Variants in TUSC3 observed in about 807,000 individuals in gnomAD.
TUSC3 encodes the protein tumor suppressor candidate 3, also known as dolichyl-diphosphooligosaccharide--protein glycosyltransferase subunit TUSC3.
TUSC3 carries 45 observed loss-of-function variants against 44.8 expected under a neutral mutation model. The observed-to-expected ratio is 1.00, with a 90% CI of 0.79 to 1.29. The LOEUF (loss-of-function observed/expected upper bound fraction) is 1.29, where lower values mean the gene tolerates loss of function less well. Ranked by LOEUF, TUSC3 falls within the 50% of genes most tolerant of loss-of-function variation. TUSC3 has a pLI of 0.00. For missense variants in TUSC3, 519 were observed against 437.9 expected (o/e 1.19, Z -1.65); for synonymous variants, 212 against 152.9 (o/e 1.39, Z -2.85).
the TUSC3 span, among the ~76,000 whole-genome samples, chr8:15,841,166 T>C: frequency 1.3e-5 from 2 of 151,690 alleles, no homozygotes; most frequent in Admixed American, 1.3e-4. Flanking sequence ...AGCTATATGT[T>C]TTATATATAT....
the TUSC3 span, among the ~76,000 whole-genome samples, chr8:15,795,144 C>A: frequency 6.6e-6 from 1 of 152,182 alleles, no homozygotes; most frequent in Non-Finnish European, 1.5e-5. Context: ...TCAATCATGG[C>A]TCCTGGGATC....
At chr8:15,577,704 T>C (rs2129145418) in intron 1 of TUSC3, among the ~76,000 whole-genome samples, 1 of 144,584 alleles carries the variant, frequency 6.9e-6, no homozygotes, top group Admixed American at 7.0e-5. Flanking sequence ...CCATGCTGTT[T>C]TGGTTACTGT....
intron 6 of TUSC3, among the ~76,000 whole-genome samples, chr8:15,710,424 G>C (rs946788493): frequency 1.2e-4 from 18 of 151,944 alleles, no homozygotes; most frequent in Admixed American, 9.2e-4. Flanking sequence ...AAGAGTGAGA[G>C]TGGAAATGAG....
At chr8:15,736,814 G>A (rs1013019391) in intron 7 of TUSC3, among the ~76,000 whole-genome samples, 6 of 151,986 alleles carry the variant, frequency 3.9e-5, no homozygotes, top group South Asian at 2.1e-4. Context: ...ATTAGTTTCC[G>A]TAGACAGTAA....
chr8:15,599,176 A>T (rs543274685), intron 1 of TUSC3, among the ~76,000 whole-genome samples: 1 of 151,892 alleles, frequency 6.6e-6, no homozygotes, highest in African/African-American at 2.4e-5. Context: ...TTTCCCGATG[A>T]CATGTAATGT....
chr8:15,430,173 A>G (rs370709165), intron 1 of TUSC3, among the ~76,000 whole-genome samples: 2 of 138,548 alleles, frequency 1.4e-5, no homozygotes, highest in African/African-American at 5.5e-5. Context: ...AGACACAACA[A>G]AAAAAAGAGA....
the TUSC3 span, among the ~76,000 whole-genome samples, chr8:15,837,452 A>G: frequency 6.6e-6 from 1 of 152,046 alleles, no homozygotes; most frequent in Non-Finnish European, 1.5e-5. Flanking sequence ...TTCTGTATCT[A>G]TCATTTTCTT....
rs551182183 is a variant in TUSC3, at chr8:15,437,851, A to C, written n.91+20546A>C. Among the ~76,000 whole-genome samples the C allele has an allele frequency of 1.0e-3, 158 of 152,246 alleles. 1 individual carries two copies. The highest frequency in any genetic ancestry group is 3.7e-3 in the African/African-American group (155 of 41,548). On this transcript the variant is annotated intron_variant and non_coding_transcript_variant, in intron 1 of 5. Coordinates refer to the TUSC3 transcript ENST00000503191. ...CCTGCACTGAGATACTCATCTATTA[A>C]ATTCACCTCTGCTCGTGTATAAAAT...
intron 1 of TUSC3, among the ~76,000 whole-genome samples, chr8:15,595,363 T>A (rs1036004164): frequency 6.6e-6 from 1 of 152,158 alleles, no homozygotes; most frequent in African/African-American, 2.4e-5. Context: ...GTGCCTTGGT[T>A]ACCTGGACTT....
At chr8:15,564,294 C>G (rs926251502) in intron 1 of TUSC3, among the ~76,000 whole-genome samples, 22 of 152,064 alleles carry the variant, frequency 1.4e-4, no homozygotes, top group East Asian at 1.4e-3. Flanking sequence ...TAACATTTCT[C>G]TAACAGCTAA....
intron 6 of TUSC3, among the ~76,000 whole-genome samples, chr8:15,701,821 G>A (rs1809418605): frequency 6.6e-6 from 1 of 152,264 alleles, no homozygotes; most frequent in Non-Finnish European, 1.5e-5. Flanking sequence ...GAGTCTTAAA[G>A]TAAGCTGTTT....
At chr8:15,446,012 GGCCGGCT>G (rs1414668257) in intron 1 of TUSC3, among the ~76,000 whole-genome samples, 35 of 151,794 alleles carry the variant, frequency 2.3e-4, no homozygotes, top group Non-Finnish European at 3.1e-4. Context: ...TTCCCAGACG[GGCCGGCT>G]GCCGGGCGGA....
intron 9 of TUSC3, among the ~76,000 whole-genome samples, chr8:15,757,122 C>G (rs955356335): frequency 2.0e-5 from 3 of 152,110 alleles, no homozygotes; most frequent in African/African-American, 7.2e-5. Flanking sequence ...GTGCCACAGA[C>G]TGAGAATCTG....
intron 2 of TUSC3, among the ~76,000 whole-genome samples, chr8:15,533,716 C>G (rs981319353): frequency 1.3e-5 from 2 of 152,186 alleles, no homozygotes; most frequent in South Asian, 2.1e-4. Context: ...GGAGCACTGT[C>G]TCTTACAGGC....
chr8:15,597,417 A>G (rs534665183), intron 1 of TUSC3, among the ~76,000 whole-genome samples: 10 of 152,180 alleles, frequency 6.6e-5, no homozygotes, highest in African/African-American at 2.4e-4. Context: ...TAGTATATGT[A>G]TGTCTTTCGG....
chr8:15,772,088 CAAAAA>C, the TUSC3 span, among the ~76,000 whole-genome samples: 1 of 149,934 alleles, frequency 6.7e-6, no homozygotes, highest in Non-Finnish European at 1.5e-5. Flanking sequence ...GACTCCGTCT[CAAAAA>C]GAAAAAAAAG....
chr8:15,782,142 G>C, the TUSC3 span, among the ~76,000 whole-genome samples: 1 of 152,044 alleles, frequency 6.6e-6, no homozygotes, highest in South Asian at 2.1e-4. Context: ...CTCAAAAAAA[G>C]AAAAACTACA....
the TUSC3 span, among the ~76,000 whole-genome samples, chr8:15,799,952 C>T: frequency 6.6e-6 from 1 of 152,142 alleles, no homozygotes; most frequent in Non-Finnish European, 1.5e-5. Context: ...CAAAGAGGGT[C>T]AGATGGCCCC....
intron 5 of TUSC3, among the ~76,000 whole-genome samples, chr8:15,668,065 A>G (rs1473598326): frequency 1.3e-5 from 2 of 151,784 alleles, no homozygotes; most frequent in Non-Finnish European, 2.9e-5. Flanking sequence ...CTTGCCTGCT[A>G]TATAAATGCT....
Sources: gnomAD v4.1 joint callset for allele counts (sites outside exome capture counted in the v4.1 genomes callset) on GRCh38, gnomAD v4.1.1 for gene constraint, MANE v1.5 for transcripts, NCBI Gene and HGNC (gene_info 2026-07-23, HGNC 2026-07-21) for gene names.